Variants in SATB1 observed in about 807,000 individuals in gnomAD.
SATB1 encodes the protein SATB homeobox 1, also known as DNA-binding protein SATB1.
In SATB1, 11 loss-of-function variants were observed where a neutral mutation model predicts 86.9. The ratio of observed to expected loss-of-function variants is 0.13; its 90% CI spans 0.08 to 0.21. The LOEUF is 0.21. Ranked by LOEUF, SATB1 falls within the 10% of genes least tolerant of loss-of-function variation. The pLI, the probability that SATB1 is intolerant of heterozygous loss-of-function variation, is 1.00. For synonymous variants in SATB1, 357 were observed against 357.2 expected (o/e 1.00, Z 0.01); for missense variants, 551 against 937.6 (o/e 0.59, Z 5.39).
intron 9 of SATB1, among the ~76,000 whole-genome samples, chr3:18,364,987 T>C (rs1695111411): frequency 6.6e-6 from 1 of 152,058 alleles, no homozygotes; most frequent in Admixed American, 6.5e-5. Context: ...GCGTTGTGTA[T>C]GTGTAGGGTT....
chr3:18,392,062 C>A (rs1211880096), intron 7 of SATB1, among the ~76,000 whole-genome samples: 1 of 152,022 alleles, frequency 6.6e-6, no homozygotes, highest in East Asian at 1.9e-4. Flanking sequence ...CAATATAAAG[C>A]TTTAAAACAC....
chr3:18,417,777 C>G, intron 2 of SATB1: 1 of 627,734 alleles, frequency 1.6e-6, no homozygotes. Context: ...AGCACGGTAC[C>G]CATAAGTCTT....
At chr3:18,367,736 T>C (rs547218972) in intron 9 of SATB1, among the ~76,000 whole-genome samples, 23 of 152,172 alleles carry the variant, frequency 1.5e-4, no homozygotes, top group Non-Finnish European at 2.8e-4. Flanking sequence ...TTTTTTCCCC[T>C]CTCTTTTCTG....
chr3:18,444,471 G>T lies in SATB1; in HGVS notation c.-25+1047C>A, dbSNP rs915419002. On this transcript the variant is annotated intron_variant, in intron 1 of 3. Coordinates refer to the SATB1 transcript ENST00000415069. The surrounding 1 kb of genome is among the most constrained non-coding windows in gnomAD (Gnocchi z 5.1). The stretch of plus-strand genomic sequence containing the variant: ...CCGTTGAAGCCCTGCGCCCACGAGA[G>T]GGGAGCCCAGCCGCCCCAATAGGGG... 2 of 528,528 alleles carry T rather than the reference G, an allele frequency of 3.8e-6. No homozygotes were observed. The highest frequency in any genetic ancestry group is 4.8e-6 in the Non-Finnish European group (2 of 412,572). The allele number at this position is 528,528 out of a possible 1,614,324, so 32.7% of individuals were successfully genotyped here.
At chr3:18,400,730 G>A (rs554786281) in intron 5 of SATB1, among the ~76,000 whole-genome samples, 2 of 152,098 alleles carry the variant, frequency 1.3e-5, no homozygotes, top group African/African-American at 4.8e-5. Flanking sequence ...TCATCACTGG[G>A]CTTTCATTAT....
chr3:18,360,945 A>T (rs1219758558), intron 9 of SATB1, among the ~76,000 whole-genome samples: 1 of 152,142 alleles, frequency 6.6e-6, no homozygotes, highest in Non-Finnish European at 1.5e-5. Flanking sequence ...TAGGGTTGTC[A>T]AGGAATTCTT....
chr3:18,375,264 AC>A (rs1255604855), intron 9 of SATB1, among the ~76,000 whole-genome samples: 1 of 152,206 alleles, frequency 6.6e-6, no homozygotes, highest in African/African-American at 2.4e-5. Flanking sequence ...AGTTGGCTGT[AC>A]TACATTTATT....
chr3:18,356,150 G>A (rs1468140441), intron 9 of SATB1, among the ~76,000 whole-genome samples: 1 of 151,908 alleles, frequency 6.6e-6, no homozygotes, highest in Non-Finnish European at 1.5e-5. Context: ...TGAATTCTGA[G>A]ATAATATGTT....
Position 18,369,438 on chromosome 3 carries a change from C to A in SATB1, c.1575+8732G>T, listed in dbSNP as rs533340958. ...TTTGATGAAGGTTTTGATAAAATAA[C>A]CTGGAAAAAAACTAGACAACCCCAT... On this transcript the variant is annotated intron_variant, in intron 9 of 10. Coordinates refer to ENST00000338745, the MANE Select transcript of SATB1 (RefSeq NM_002971.6). 3.3e-5 allele frequency among the ~76,000 whole-genome samples: 5 copies of A among 151,824 alleles called. No homozygotes were observed. In the South Asian group the frequency reaches 8.4e-4, roughly 25 times the overall value.
chr3:18,415,102 G>T lies in SATB1; in HGVS notation c.639+9C>A, dbSNP rs372273438. ...TGTCTTATTATTTATTACATTCTAT[G>T]CTAAGTACCTGTGAAAGGGGGCACT... On this transcript the variant is annotated intron_variant, in intron 5 of 10. Transcript: ENST00000338745. 11 of 1,612,360 alleles carry T rather than the reference G, an allele frequency of 6.8e-6. No individual in the cohort carries two copies. The African/African-American group carries it at 1.1e-4, about 16-fold the overall frequency.
At chr3:18,421,318 T>C in intron 1 of SATB1, 1 of 193,962 alleles carries the variant, frequency 5.2e-6, no homozygotes, top group East Asian at 1.4e-4. Context: ...AAACAGCAAA[T>C]TGCATTTACG....
intron 2 of SATB1, among the ~76,000 whole-genome samples, chr3:18,433,550 A>C (rs905644622): frequency 1.1e-4 from 16 of 152,190 alleles, no homozygotes; most frequent in Non-Finnish European, 2.1e-4. Flanking sequence ...TTTTATATTA[A>C]AAACTTGTAT....
chr3:18,413,492 T>G (rs1697967672), intron 5 of SATB1, among the ~76,000 whole-genome samples: 2 of 152,098 alleles, frequency 1.3e-5, no homozygotes, highest in African/African-American at 4.8e-5. Context: ...TTTAAAAAGT[T>G]TATTTCTAGA....
upstream of SATB1, among the ~76,000 whole-genome samples, chr3:18,429,735 G>A (rs1245229570): frequency 6.6e-6 from 1 of 152,120 alleles, no homozygotes; most frequent in Non-Finnish European, 1.5e-5. The surrounding 1 kb of genome is among the most constrained non-coding windows in gnomAD (Gnocchi z 4.1). Flanking sequence ...TACCCTCACA[G>A]AATCTTGTAT....
chr3:18,415,631 G>A (rs1698070054), intron 4 of SATB1, among the ~76,000 whole-genome samples: 1 of 152,048 alleles, frequency 6.6e-6, no homozygotes, highest in Admixed American at 6.6e-5. Context: ...TGGTAATAGT[G>A]AATAAGACAG....
chr3:18,406,135 C>G (rs772109567), intron 5 of SATB1, among the ~76,000 whole-genome samples: 46 of 151,960 alleles, frequency 3.0e-4, no homozygotes, highest in Non-Finnish European at 5.4e-4. Context: ...AACCAAGTCC[C>G]TAAGGCCCAT....
At chr3:18,358,471 T>C (rs1694760004) in intron 9 of SATB1, among the ~76,000 whole-genome samples, 1 of 152,042 alleles carries the variant, frequency 6.6e-6, no homozygotes, top group African/African-American at 2.4e-5. Context: ...ATCTACTTTG[T>C]GTAAAGTGAA....
chr3:18,399,009 C>T (rs907018660), intron 5 of SATB1, among the ~76,000 whole-genome samples: 8 of 152,140 alleles, frequency 5.3e-5, no homozygotes, highest in African/African-American at 1.9e-4. Context: ...AATGGTGATT[C>T]TTCTGCAAAT....
chr3:18,381,178 A>G (rs1696039388), intron 8 of SATB1, among the ~76,000 whole-genome samples: 1 of 152,192 alleles, frequency 6.6e-6, no homozygotes, highest in African/African-American at 2.4e-5. Flanking sequence ...CGCAGGACAC[A>G]CATTTTCCAT....
Sources: gnomAD v4.1 joint callset for allele counts (sites outside exome capture counted in the v4.1 genomes callset) on GRCh38, gnomAD v4.1.1 for gene constraint, Gnocchi (gnomAD v3.1) non-coding constraint, MANE v1.5 for transcripts, NCBI Gene and HGNC (gene_info 2026-07-23, HGNC 2026-07-21) for gene names.